Variants in CDKL3 observed in about 807,000 individuals in gnomAD.
CDKL3 encodes the protein cyclin dependent kinase like 3, also known as cyclin-dependent kinase-like 3.
Under a neutral mutation model 69.3 loss-of-function variants are expected in CDKL3, and 65 were observed. The ratio of observed to expected loss-of-function variants is 0.94; its 90% confidence interval spans 0.77 to 1.15. CDKL3 has a LOEUF of 1.15. Among genes scored for constraint, CDKL3 ranks in the 50% most tolerant of loss-of-function variants. The probability of loss-of-function intolerance (pLI) is 0.00; values close to 1 mark genes in which losing one functional copy is unlikely to be tolerated. For synonymous variants in CDKL3, 202 were observed against 221.6 expected (o/e 0.91, Z 0.79); for missense variants, 652 against 689.2 (o/e 0.95, Z 0.61).
At chr5:134,337,895 A>G (rs1358385238) in intron 4 of CDKL3, among the ~76,000 whole-genome samples, 1 of 152,086 alleles carries the variant, frequency 6.6e-6, no homozygotes, top group Non-Finnish European at 1.5e-5. Flanking sequence ...CTATTCAGAC[A>G]TGTTATAACA....
upstream of CDKL3, chr5:134,367,462 C>T: frequency 1.1e-6 from 1 of 915,514 alleles, no homozygotes; most frequent in Non-Finnish European, 1.3e-6. Context: ...CAACCTCCTC[C>T]TTCCAGGTTT....
intron 4 of CDKL3, among the ~76,000 whole-genome samples, chr5:134,332,214 T>A (rs527539238): frequency 6.6e-6 from 1 of 152,326 alleles, no homozygotes; most frequent in South Asian, 2.1e-4. Context: ...GATAGATAGA[T>A]TGCAAAAATT....
At chr5:134,318,000 A>C (rs1771625839) in intron 6 of CDKL3, among the ~76,000 whole-genome samples, 1 of 152,048 alleles carries the variant, frequency 6.6e-6, no homozygotes, top group Non-Finnish European at 1.5e-5. Flanking sequence ...TGGGAGGATC[A>C]CCTGAGGTCA....
chr5:134,347,924 A>T (rs1349567628), intron 4 of CDKL3, among the ~76,000 whole-genome samples: 1 of 152,098 alleles, frequency 6.6e-6, no homozygotes, highest in East Asian at 1.9e-4. Context: ...TGGGGTGATA[A>T]ATATGTTCTA....
chr5:134,339,272 A>T (rs1025318779), intron 4 of CDKL3, among the ~76,000 whole-genome samples: 1 of 152,224 alleles, frequency 6.6e-6, no homozygotes, highest in Non-Finnish European at 1.5e-5. Flanking sequence ...AAACCTCATG[A>T]TCTAACTATA....
intron 10 of CDKL3, among the ~76,000 whole-genome samples, chr5:134,306,128 T>C (rs145259303): frequency 9.1e-4 from 138 of 152,304 alleles, no homozygotes; most frequent in African/African-American, 3.2e-3. Flanking sequence ...ACTTAATTAA[T>C]TGTGAAAGCA....
rs1436486220 is a variant in CDKL3 at position 134,312,379 on chromosome 5, G to C, written c.794C>G (p.Ala265Gly). ...LNGLLADIVH[A>G]CLQIDPADRI... Reference sequence around the variant, plus strand: ...GTCAGCAGGATCAATTTGTAAACAAGCCTAGGAAAGGAAAAAGATTTTAAT... The same window carrying C: ...GTCAGCAGGATCAATTTGTAAACAACCCTAGGAAAGGAAAAAGATTTTAAT... Residue 265 changes from alanine to glycine, a missense_variant and splice_region_variant, in exon 7 of 13, where the codon GCT becomes GGT. Physicochemically the swap from Ala to Gly is moderately conservative, Grantham distance 60. Transcript: ENST00000265334. 1.3e-6 allele frequency: 2 copies of C among 1,567,404 alleles called. No individual in the cohort carries two copies. Among genetic ancestry groups the C allele is most frequent in the East Asian group, 4.6e-5 (2 of 43,758 alleles).
chr5:134,366,234 T>TA (rs1239438883), intron 2 of CDKL3, 125 bp downstream of exon 2: 2 of 640,622 alleles, frequency 3.1e-6, no homozygotes, highest in Non-Finnish European at 2.6e-6. Context: ...GTAGATAAGA[T>TA]AGAGTATTAC....
At chr5:134,330,707 CCT>C (rs955034701) in intron 4 of CDKL3, among the ~76,000 whole-genome samples, 70 of 150,042 alleles carry the variant, frequency 4.7e-4, no homozygotes, top group African/African-American at 1.7e-3. Context: ...AGAGCCAGAC[CCT>C]GTCTGAAAGA....
downstream of CDKL3, among the ~76,000 whole-genome samples, chr5:134,285,640 A>C (rs1345606746): frequency 1.3e-5 from 2 of 152,244 alleles, no homozygotes; most frequent in African/African-American, 4.8e-5. Context: ...CTTGGGGATT[A>C]ACAGTCAGCT....
chr5:134,337,894 C>T (rs1401968630), intron 4 of CDKL3, among the ~76,000 whole-genome samples: 1 of 151,952 alleles, frequency 6.6e-6, no homozygotes, highest in Admixed American at 6.6e-5. Context: ...CCTATTCAGA[C>T]ATGTTATAAC....
At chr5:134,302,434 G>C (rs530920077) in intron 12 of CDKL3, among the ~76,000 whole-genome samples, 156 bp downstream of exon 12, 1 of 152,204 alleles carries the variant, frequency 6.6e-6, no homozygotes, top group African/African-American at 2.4e-5. Context: ...TTATTAATGG[G>C]TTATTCTAGG....
intron 12 of CDKL3, among the ~76,000 whole-genome samples, chr5:134,301,122 C>G (rs779011856): frequency 9.2e-5 from 14 of 152,012 alleles, no homozygotes; most frequent in African/African-American, 3.1e-4. Context: ...CTCAGCCTCC[C>G]GAGTAGCTGG....
At chr5:134,331,354 G>C (rs1210771978) in intron 4 of CDKL3, among the ~76,000 whole-genome samples, 1 of 151,916 alleles carries the variant, frequency 6.6e-6, no homozygotes, top group Non-Finnish European at 1.5e-5. Context: ...TGTGTAAAAT[G>C]TGCAGGTTTG....
chr5:134,311,018 G>GAA (rs768323153), intron 7 of CDKL3, among the ~76,000 whole-genome samples: 2 of 152,288 alleles, frequency 1.3e-5, no homozygotes, highest in Non-Finnish European at 2.9e-5. Flanking sequence ...CAGTTAATGA[G>GAA]AAACTTTTCC....
At chr5:134,361,405 T>G (rs1274157529) in intron 2 of CDKL3, among the ~76,000 whole-genome samples, 1 of 152,180 alleles carries the variant, frequency 6.6e-6, no homozygotes, top group Non-Finnish European at 1.5e-5. Context: ...TATACCTTTA[T>G]GAAAATATAT....
chr5:134,308,942 C>T (rs1362247743), intron 7 of CDKL3, among the ~76,000 whole-genome samples: 1 of 152,206 alleles, frequency 6.6e-6, no homozygotes, highest in Non-Finnish European at 1.5e-5. Flanking sequence ...TGGGAACCTA[C>T]TATATAAAAC....
upstream of CDKL3, among the ~76,000 whole-genome samples, chr5:134,367,679 G>A (rs1757787650): frequency 1.3e-5 from 2 of 152,144 alleles, no homozygotes; most frequent in South Asian, 4.1e-4. Flanking sequence ...CGGTCAAGAT[G>A]GTTCTTAAAT....
Position 134,312,380 on chromosome 5 carries a change from C to T in CDKL3, c.793G>A (p.Ala265Thr). ...LNGLLADIVHACLQIDPADRI... is the reference protein window; with the variant it reads ...LNGLLADIVHTCLQIDPADRI... Reference sequence around the variant, plus strand: ...TCAGCAGGATCAATTTGTAAACAAGCCTAGGAAAGGAAAAAGATTTTAATA... The same window carrying T: ...TCAGCAGGATCAATTTGTAAACAAGTCTAGGAAAGGAAAAAGATTTTAATA... Residue 265 changes from alanine to threonine, a missense_variant and splice_region_variant, in exon 7 of 13, where the codon GCT becomes ACT. Transcript: ENST00000265334. 6.4e-7 allele frequency: 1 copy of T among 1,566,858 alleles called. No individual in the cohort carries two copies. The highest frequency in any genetic ancestry group is 8.6e-7 in the Non-Finnish European group (1 of 1,156,660).
Sources: gnomAD v4.1 joint callset for allele counts (sites outside exome capture counted in the v4.1 genomes callset) on GRCh38, gnomAD v4.1.1 for gene constraint, MANE v1.5 for transcripts, NCBI Gene and HGNC (gene_info 2026-07-23, HGNC 2026-07-21) for gene names.